Variants in SHANK1 observed in about 807,000 individuals in gnomAD.
SHANK1 encodes SH3 and multiple ankyrin repeat domains protein 1.
Under a neutral mutation model 165.6 loss-of-function variants are expected in SHANK1, and 35 were observed. That is an observed-to-expected ratio of 0.21 (90% confidence interval 0.16 to 0.28). The LOEUF is 0.28. SHANK1 is among the 10% of genes least tolerant of loss of function. The probability of loss-of-function intolerance (pLI) is 1.00; values close to 1 mark genes in which losing one functional copy is unlikely to be tolerated. For missense variants in SHANK1, 2,681 were observed against 3,036.4 expected (o/e 0.88, Z 2.75); for synonymous variants, 1,428 against 1,384.8 (o/e 1.03, Z -0.69).
intron 21 of SHANK1, among the ~76,000 whole-genome samples, chr19:50,673,295 A>G (rs958284122): frequency 3.9e-5 from 6 of 151,916 alleles, no homozygotes; most frequent in Non-Finnish European, 8.8e-5. Context: ...CTCCCGTTCT[A>G]GGGAAGCCCA....
At chr19:50,708,538 A>T (rs2088972355) in intron 8 of SHANK1, among the ~76,000 whole-genome samples, 1 of 129,992 alleles carries the variant, frequency 7.7e-6, no homozygotes, top group South Asian at 2.3e-4. Flanking sequence ...TGTCTGATTC[A>T]TCTCACATCC....
Position 50,686,166 on chromosome 19 carries a change from A to G in SHANK1, c.2577+71T>C. On this transcript the variant is annotated intron_variant, in intron 21 of 23. Coordinates refer to ENST00000293441, the MANE Select transcript of SHANK1 (RefSeq NM_016148.5). The surrounding 1 kb of genome is among the most constrained non-coding windows in gnomAD (Gnocchi z 5.7). ...CAGAGGCGTCAGGAGGGTTTTGGAAAGAGAAAGGCTCCAGGTTGGTGTGTG... is the reference window on the plus strand; with the variant it reads ...CAGAGGCGTCAGGAGGGTTTTGGAAGGAGAAAGGCTCCAGGTTGGTGTGTG... The G allele has an allele frequency of 1.1e-6, 1 of 879,502 alleles. No individual in the cohort carries two copies. Among genetic ancestry groups the G allele is most frequent in the East Asian group, 2.7e-5 (1 of 37,662 alleles). 54.5% of individuals were successfully genotyped at this position (879,502 alleles called of 1,614,324 possible).
Position 50,666,864 on chromosome 19 carries a change from C to T in SHANK1, c.5096G>A (p.Ser1699Asn). 6.4e-7 allele frequency: 1 copy of T among 1,570,336 alleles called. No individual in the cohort carries two copies. Residue 1699 changes from serine (S) to asparagine (N), a missense_variant, in exon 23 of 24, where the codon AGC becomes AAC. Physicochemically the swap from Ser to Asn is conservative, Grantham distance 46 (BLOSUM62 1). Coordinates refer to ENST00000293441, the MANE Select transcript of SHANK1 (RefSeq NM_016148.5). ...GCTGCCACCACCTTCGGCAGATAGG[C>T]TGCTCAGCGTGGAGGCGCTGCTGAT... The part of the protein sequence containing the change: ...ETISSASTLS[S>N]LSAEGGGSAG...
intron 15 of SHANK1, among the ~76,000 whole-genome samples, chr19:50,695,064 C>A (rs1410230203): frequency 6.8e-6 from 1 of 146,460 alleles, no homozygotes; most frequent in African/African-American, 2.5e-5. Flanking sequence ...CAGCCCCGGC[C>A]CGGGTCCCGG....
At chr19:50,706,185 C>G (rs2123183470) in intron 8 of SHANK1, among the ~76,000 whole-genome samples, 1 of 151,810 alleles carries the variant, frequency 6.6e-6, no homozygotes. Flanking sequence ...TGGGGGGGCT[C>G]AAGGTCACAC....
In SHANK1 at chr19:50,712,026, G is replaced by C. The variant is rs777687519; in HGVS notation, c.881C>G (p.Pro294Arg). The change falls in exon 7 of 24, where the codon CCC (proline) becomes CGC (arginine). Residue 294 changes from proline to arginine, a missense_variant. By Grantham distance (103) the Pro-to-Arg change is moderately radical. Transcript: ENST00000293441. ...GAACAGGAGCAGCTCGCAGCATCGG[G>C]GGTCACCACCCACCATGGCCGTGTG... ...LFHTAMVGGD[P>R]RCCELLLFNR... is the part of the protein sequence containing the mutation. 1 of 1,613,998 alleles carries C rather than the reference G, an allele frequency of 6.2e-7. No individual in the cohort carries two copies.
chr19:50,691,632 C>T (rs953719509), intron 15 of SHANK1, among the ~76,000 whole-genome samples: 1 of 152,196 alleles, frequency 6.6e-6, no homozygotes, highest in African/African-American at 2.4e-5. Context: ...CTTCTCATAA[C>T]CAGCCTCTGG....
At chr19:50,669,820 C>T (rs1985726315) in intron 22 of SHANK1, among the ~76,000 whole-genome samples, 1 of 151,920 alleles carries the variant, frequency 6.6e-6, no homozygotes, top group South Asian at 2.1e-4. Flanking sequence ...ACCCCACACT[C>T]AGTGGGAGTG....
chr19:50,711,126 C>G, intron 8 of SHANK1: 2 of 513,412 alleles, frequency 3.9e-6, no homozygotes, highest in Non-Finnish European at 7.1e-6. Flanking sequence ...GAGCTCAACA[C>G]TTTGTCCCCA....
rs1199195016 is a variant in SHANK1, at chr19:50,667,955, CG to C, written c.4004del (p.Pro1335ArgfsTer8). The C allele has an allele frequency of 5.0e-6, 7 of 1,398,808 alleles. No homozygotes were observed. The highest frequency in any genetic ancestry group is 3.2e-5 in the Admixed American group (1 of 31,252). The allele number at this position is 1,398,808 out of a possible 1,614,324, so 86.6% of individuals were successfully genotyped here. A position where few individuals can be genotyped will look rare whatever the true frequency, so the allele number is the denominator to read the frequency against. On this transcript the variant is annotated frameshift_variant, in exon 23 of 24. Transcript: ENST00000293441. LOFTEE classifies it high-confidence loss of function. This position sits in a 1 kb window ranked among gnomAD's most constrained non-coding sequence, Gnocchi z 5.7. Reference protein sequence around the residue: ...GSSAFTSFLPPRPLVHPLTGK... With the variant: ...GSSAFTSFLPXRPLVHPLTGK... ...CGGTCAGCGGGTGCACCAGGGGTCGCGGGGGCAGGAAGCTGGTGAAGGCGCT... is the reference window on the plus strand; with the variant it reads ...CGGTCAGCGGGTGCACCAGGGGTCGCGGGGCAGGAAGCTGGTGAAGGCGCT...
chr19:50,695,183 G>C (rs1348778542), intron 15 of SHANK1, among the ~76,000 whole-genome samples: 1 of 145,896 alleles, frequency 6.9e-6, no homozygotes, highest in Admixed American at 6.7e-5. Context: ...GCGCCGGGAG[G>C]GGGGAGGGGG....
chr19:50,712,203 G>T, intron 6 of SHANK1, 89 bp from the exon 7 acceptor site: 1 of 1,368,022 alleles, frequency 7.3e-7, no homozygotes, highest in Non-Finnish European at 1.0e-6. Context: ...GGACTGGACC[G>T]TCCTGGGTGA....
At chr19:50,675,181 G>T (rs1457129113) in intron 21 of SHANK1, among the ~76,000 whole-genome samples, 1 of 152,128 alleles carries the variant, frequency 6.6e-6, no homozygotes, top group African/African-American at 2.4e-5. Flanking sequence ...GCTTCATTGA[G>T]CTATGATTGT....
Sources: allele counts gnomAD v4.1 joint callset (sites outside exome capture counted in the v4.1 genomes callset), GRCh38; gene constraint gnomAD v4.1.1; non-coding constraint Gnocchi (gnomAD v3.1); transcripts MANE v1.5; gene names NCBI Gene and HGNC (gene_info 2026-07-23, HGNC 2026-07-21).